ERBB4: variants seen among roughly 807,000 people sequenced by gnomAD.
ERBB4 encodes erb-b2 receptor tyrosine kinase 4.
A neutral mutation model predicts 158.0 loss-of-function variants in ERBB4; 42 were observed. The ratio of observed to expected loss-of-function variants is 0.27; its 90% CI spans 0.21 to 0.34. The LOEUF is 0.34. Among genes scored for constraint, ERBB4 ranks in the 10% least tolerant of loss-of-function variants. The pLI, the probability that ERBB4 is intolerant of heterozygous loss-of-function variation, is 1.00. For synonymous variants in ERBB4, 583 were observed against 558.7 expected, an observed-to-expected ratio of 1.04 and a Z score of -0.61; for missense variants, 1,333 against 1,624.1, an observed-to-expected ratio of 0.82 and a Z score of 3.08.
intron 19 of ERBB4, among the ~76,000 whole-genome samples, chr2:211,594,090 G>C (rs1334435718): frequency 6.6e-6 from 1 of 151,894 alleles, no homozygotes; most frequent in South Asian, 2.1e-4. Context: ...ATTCCATCGA[G>C]GCATATCCTT....
chr2:212,407,098 C>T (rs1344376474), intron 1 of ERBB4, among the ~76,000 whole-genome samples: 1 of 151,710 alleles, frequency 6.6e-6, no homozygotes, highest in Non-Finnish European at 1.5e-5. Context: ...CTAAATATGA[C>T]TGTTAAGCTT....
At chr2:212,399,545 CATATATATATATATATATATAT>C (rs869111881) in intron 1 of ERBB4, among the ~76,000 whole-genome samples, 19 of 38,100 alleles carry the variant, frequency 5.0e-4, no homozygotes, top group South Asian at 1.0e-3. Context: ...TTTATATATA[CATATATATATATATATATATAT>C]ATATATATAT....
chr2:212,249,765 C>T (rs907495360), intron 1 of ERBB4, among the ~76,000 whole-genome samples: 1 of 151,972 alleles, frequency 6.6e-6, no homozygotes, highest in African/African-American at 2.4e-5. Context: ...AGGAAGCAAA[C>T]ATTGTATTAT....
At chr2:211,916,042 A>T (rs1439532443) in intron 3 of ERBB4, among the ~76,000 whole-genome samples, 1 of 151,974 alleles carries the variant, frequency 6.6e-6, no homozygotes, top group African/African-American at 2.4e-5. Flanking sequence ...GTATTCAACT[A>T]TGCAGATGTA....
At chr2:212,299,515 C>T (rs2086542667) in intron 1 of ERBB4, among the ~76,000 whole-genome samples, 3 of 151,600 alleles carry the variant, frequency 2.0e-5, no homozygotes, top group Admixed American at 2.0e-4. Flanking sequence ...ATTTGAGTGT[C>T]GACCATGTAA....
At chr2:211,677,060 A>G (rs2072103856) in intron 13 of ERBB4, among the ~76,000 whole-genome samples, 1 of 152,168 alleles carries the variant, frequency 6.6e-6, no homozygotes, top group African/African-American at 2.4e-5. Flanking sequence ...TATGCTTCTA[A>G]TATTAATATT....
intron 3 of ERBB4, among the ~76,000 whole-genome samples, chr2:211,798,482 C>A (rs1306856384): frequency 6.6e-6 from 1 of 152,050 alleles, no homozygotes; most frequent in African/African-American, 2.4e-5. Flanking sequence ...TTTCTACCAT[C>A]TACAAAATTG....
chr2:212,072,918 T>C (rs2078165743), intron 2 of ERBB4, among the ~76,000 whole-genome samples: 2 of 151,236 alleles, frequency 1.3e-5, no homozygotes, highest in African/African-American at 2.4e-5. Context: ...CAAAGAAATA[T>C]TGTTTCATGA....
chr2:212,405,970 G>A (rs1382870221), intron 1 of ERBB4, among the ~76,000 whole-genome samples: 1 of 152,062 alleles, frequency 6.6e-6, no homozygotes, highest in Non-Finnish European at 1.5e-5. Flanking sequence ...CCCAACACAT[G>A]CAGGAAACAT....
chr2:211,660,748 GA>G lies in ERBB4; in HGVS notation c.1872-2921del, dbSNP rs2071396128. On this transcript the variant is annotated intron_variant, in intron 15 of 27. Transcript: ENST00000342788. ...TGGCTAAAGAAGATATAAAAAGTAA[GA>G]AAAGCAGAGGCTGAAGATGGAAACC... Among the ~76,000 whole-genome samples, 7 of 152,296 alleles carry G rather than the reference GA, an allele frequency of 4.6e-5. 1 individual carries two copies. The South Asian group carries it at 1.5e-3, about 32-fold the overall frequency.
At chr2:212,252,991 T>A (rs1449416921) in intron 1 of ERBB4, among the ~76,000 whole-genome samples, 1 of 151,926 alleles carries the variant, frequency 6.6e-6, no homozygotes, top group Non-Finnish European at 1.5e-5. Context: ...TTTGCATTTC[T>A]TCTAATATTC....
intron 1 of ERBB4, among the ~76,000 whole-genome samples, chr2:212,312,444 A>T (rs1164596048): frequency 6.6e-6 from 1 of 151,002 alleles, no homozygotes; most frequent in Non-Finnish European, 1.5e-5. Flanking sequence ...ATACATTCTA[A>T]TAAAATGTCT....
rs183230273 is a variant in ERBB4 at position 211,882,266 on chromosome 2, A to C, written c.421+65164T>G. On this transcript the variant is annotated intron_variant, in intron 3 of 27. Coordinates refer to ENST00000342788, the MANE Select transcript of ERBB4 (RefSeq NM_005235.3). ...ATAATGTGAAAGAGACTGCATTGAC[A>C]TGGTTAAGTTCCCAGGACCCTCGGT... 2.2e-4 allele frequency among the ~76,000 whole-genome samples: 33 copies of C among 152,294 alleles called. No homozygotes were observed. The East Asian group carries it at 4.8e-3, about 22-fold the overall frequency.
chr2:212,523,276 C>T (rs1490650038), intron 1 of ERBB4, among the ~76,000 whole-genome samples: 1 of 151,868 alleles, frequency 6.6e-6, no homozygotes, highest in African/African-American at 2.4e-5. Context: ...CATTTTATCT[C>T]CCAGCCACAA....
At chr2:212,015,777 C>A (rs992218834) in intron 2 of ERBB4, among the ~76,000 whole-genome samples, 24 of 152,206 alleles carry the variant, frequency 1.6e-4, no homozygotes, top group Non-Finnish European at 1.5e-5. Context: ...GTATTTTCAA[C>A]AGGAGGATGA....
rs146856806 is a variant in ERBB4 at position 212,249,780 on chromosome 2, G to A, written c.83-124877C>T. On this transcript the variant is annotated intron_variant, in intron 1 of 27. Transcript: ENST00000342788. ...AGGAAGCAAACATTGTATTATGCTT[G>A]TCAACCAATATACAAGCTGACCTCA... 7.7e-3 allele frequency among the ~76,000 whole-genome samples: 1,171 copies of A among 152,106 alleles called. 10 individuals carry two copies. Among genetic ancestry groups the A allele is most frequent in the Non-Finnish European group, 0.013 (904 of 67,902 alleles).
At chr2:211,531,170 T>A in intron 20 of ERBB4, among the ~76,000 whole-genome samples, 1 of 152,132 alleles carries the variant, frequency 6.6e-6, no homozygotes, top group East Asian at 1.9e-4. Context: ...AATTTTACAG[T>A]GGATTAAATA....
intron 1 of ERBB4, among the ~76,000 whole-genome samples, chr2:212,398,102 ATGTG>A (rs143581724): frequency 5.3e-4 from 79 of 149,784 alleles, no homozygotes; most frequent in African/African-American, 1.4e-3. Flanking sequence ...ATACATATAT[ATGTG>A]TGTGTGTGTG....
chr2:211,592,575 AAG>A (rs1348134487), intron 19 of ERBB4, among the ~76,000 whole-genome samples: 3 of 152,170 alleles, frequency 2.0e-5, no homozygotes, highest in African/African-American at 7.2e-5. Flanking sequence ...CTGAAAGACA[AAG>A]AGGATTTCAA....
Sources: allele counts gnomAD v4.1 joint callset (sites outside exome capture counted in the v4.1 genomes callset), GRCh38; gene constraint gnomAD v4.1.1; transcripts MANE v1.5; gene names NCBI Gene and HGNC (gene_info 2026-07-23, HGNC 2026-07-21).